The following ADAMTS12 variants were observed in gnomAD, a reference collection of about 807,000 sequenced individuals.
The protein encoded by ADAMTS12 is A disintegrin and metalloproteinase with thrombospondin motifs 12.
Under a neutral mutation model 167.8 loss-of-function variants are expected in ADAMTS12, and 118 were observed. That is an observed-to-expected ratio of 0.70 (90% confidence interval 0.61 to 0.82). ADAMTS12 has a LOEUF of 0.82. ADAMTS12 is among the 40% of genes least tolerant of loss of function. ADAMTS12 has a pLI of 0.00. For missense variants in ADAMTS12, 1,916 were observed against 1,998.8 expected (o/e 0.96, Z 0.79); for synonymous variants, 704 against 716.9 (o/e 0.98, Z 0.29).
intron 3 of ADAMTS12, among the ~76,000 whole-genome samples, chr5:33,724,620 C>T (rs924849383): frequency 4.6e-5 from 7 of 150,916 alleles, no homozygotes; most frequent in South Asian, 2.1e-4. Context: ...GGCGCTATCT[C>T]GGCTCACTGC....
chr5:33,887,950 G>A (rs113562753), intron 1 of ADAMTS12: 8,328 of 152,048 alleles, frequency 0.055, 386 homozygotes, highest in East Asian at 0.17. Context: ...TCACTGTGTT[G>A]GCCACGCTGG....
At chr5:33,677,682 G>A (rs1741970217) in intron 5 of ADAMTS12, among the ~76,000 whole-genome samples, 1 of 152,164 alleles carries the variant, frequency 6.6e-6, no homozygotes, top group African/African-American at 2.4e-5. Flanking sequence ...GATAGACAGG[G>A]ACATGACAGG....
At chr5:33,532,457 C>T (rs25751) in intron 23 of ADAMTS12, among the ~76,000 whole-genome samples, 72,843 of 150,734 alleles carry the variant, frequency 0.48, 18,676 homozygotes, top group East Asian at 0.78. Context: ...AACATTGGAT[C>T]TAAGTACTGT....
chr5:33,742,350 A>T (rs1360292308), intron 3 of ADAMTS12, among the ~76,000 whole-genome samples: 2 of 137,804 alleles, frequency 1.5e-5, no homozygotes, highest in Non-Finnish European at 3.2e-5. Flanking sequence ...AAAAAAAAAA[A>T]TGTGGTGATG....
At chr5:33,699,393 T>G (rs1459268605) in intron 3 of ADAMTS12, among the ~76,000 whole-genome samples, 1 of 151,878 alleles carries the variant, frequency 6.6e-6, no homozygotes, top group Non-Finnish European at 1.5e-5. Context: ...TGACCTAATC[T>G]TTACTAATAT....
chr5:33,575,282 T>A (rs1278542977), intron 19 of ADAMTS12, among the ~76,000 whole-genome samples: 1 of 152,222 alleles, frequency 6.6e-6, no homozygotes, highest in Non-Finnish European at 1.5e-5. Flanking sequence ...TGTGATTACT[T>A]CACAATTTTA....
intron 2 of ADAMTS12, among the ~76,000 whole-genome samples, chr5:33,830,483 C>T (rs1748256717): frequency 6.6e-6 from 1 of 152,152 alleles, no homozygotes; most frequent in Non-Finnish European, 1.5e-5. Context: ...AACTTTAAAG[C>T]CACTTGCTAA....
At chr5:33,770,433 G>T (rs770301405) in intron 2 of ADAMTS12, among the ~76,000 whole-genome samples, 3 of 152,136 alleles carry the variant, frequency 2.0e-5, no homozygotes, top group African/African-American at 7.2e-5. Flanking sequence ...CAGCTCCTCC[G>T]AGGACAGAGC....
rs560158856 is a variant in ADAMTS12, at chr5:33,802,720, G to C, written c.490-51172C>G. ...CCTTTTTAAGACACTACATCTCAGG[G>C]GCCCTACTCTGATCCCCAAGTAAAT... On this transcript the variant is annotated intron_variant, in intron 2 of 23. Coordinates refer to ENST00000504830, the MANE Select transcript of ADAMTS12 (RefSeq NM_030955.4). Among the ~76,000 whole-genome samples, 7 of 152,180 alleles carry C rather than the reference G, an allele frequency of 4.6e-5. No homozygotes were observed. In the South Asian group the frequency reaches 1.5e-3, roughly 32 times the overall value.
At chr5:33,583,969 A>T (rs143596060) in intron 18 of ADAMTS12, among the ~76,000 whole-genome samples, 1 of 152,358 alleles carries the variant, frequency 6.6e-6, no homozygotes, top group East Asian at 1.9e-4. Flanking sequence ...TAATTTCCAA[A>T]CACAAAACAT....
intron 5 of ADAMTS12, among the ~76,000 whole-genome samples, chr5:33,681,211 G>A (rs185177269): frequency 1.3e-5 from 2 of 152,286 alleles, no homozygotes; most frequent in African/African-American, 2.4e-5. Context: ...AAGGGAGACC[G>A]GGTTACAGGG....
intron 17 of ADAMTS12, among the ~76,000 whole-genome samples, chr5:33,589,885 G>A (rs1692623904): frequency 1.3e-5 from 2 of 152,044 alleles, no homozygotes; most frequent in South Asian, 4.2e-4. Flanking sequence ...ATTTATTTAT[G>A]TAGAATTTCT....
In ADAMTS12 at chr5:33,891,802, G is replaced by A. The variant is rs781110767; in HGVS notation, c.55C>T (p.Leu19Phe). ...CCATAGCAAAGCGCCCCAAAGTTAA[G>A]GAGCTGAGCCACCACGGAAAGGTTT... ...LANLSVVAQL[L>F]NFGALCYGRQ... is the part of the protein sequence containing the mutation. Residue 19 changes from leucine to phenylalanine, a missense_variant, in exon 1 of 24, where the codon CTT becomes TTT. Physicochemically the swap from Leu to Phe is conservative, Grantham distance 22. Coordinates refer to ENST00000504830, the MANE Select transcript of ADAMTS12 (RefSeq NM_030955.4). 9 of 1,614,206 alleles carry A rather than the reference G, an allele frequency of 5.6e-6. No homozygotes were observed. The highest frequency in any genetic ancestry group is 7.6e-6 in the Non-Finnish European group (9 of 1,180,042).
At chr5:33,735,333 G>A (rs566394313) in intron 3 of ADAMTS12, among the ~76,000 whole-genome samples, 33 of 152,258 alleles carry the variant, frequency 2.2e-4, no homozygotes, top group African/African-American at 7.5e-4. Context: ...CTGCTGGTCC[G>A]GGGACTAAAC....
At chr5:33,535,288 C>T (rs6865176) in intron 22 of ADAMTS12, among the ~76,000 whole-genome samples, 12,429 of 152,230 alleles carry the variant, frequency 0.082, 633 homozygotes, top group Non-Finnish European at 0.11. Flanking sequence ...CACATGGCTA[C>T]AGCACTGGGC....
At chr5:33,557,455 C>T (rs1439221296) in intron 20 of ADAMTS12, among the ~76,000 whole-genome samples, 1 of 152,108 alleles carries the variant, frequency 6.6e-6, no homozygotes, top group Admixed American at 6.5e-5. Flanking sequence ...AGAGGGAAGG[C>T]CTTCAAATCT....
chr5:33,768,684 T>C (rs1185361638), intron 2 of ADAMTS12, among the ~76,000 whole-genome samples: 1 of 152,220 alleles, frequency 6.6e-6, no homozygotes, highest in Non-Finnish European at 1.5e-5. Context: ...GTTTTAGCTA[T>C]AATTTATTTG....
chr5:33,697,441 AG>A (rs1384780406), intron 3 of ADAMTS12, among the ~76,000 whole-genome samples: 1 of 152,226 alleles, frequency 6.6e-6, no homozygotes, highest in African/African-American at 2.4e-5. Context: ...GATGAGTAAA[AG>A]CAACTTTACT....
intron 12 of ADAMTS12, among the ~76,000 whole-genome samples, chr5:33,635,788 G>A (rs1219755029): frequency 1.3e-5 from 2 of 152,206 alleles, no homozygotes; most frequent in Non-Finnish European, 2.9e-5. Context: ...TCTGTAGACA[G>A]AGTATAATGG....
Sources: allele counts gnomAD v4.1 joint callset (sites outside exome capture counted in the v4.1 genomes callset), GRCh38; gene constraint gnomAD v4.1.1; transcripts MANE v1.5; gene names NCBI Gene and HGNC (gene_info 2026-07-23, HGNC 2026-07-21).